The following CBLN2 variants were observed in gnomAD, a reference collection of about 807,000 sequenced individuals.
CBLN2 encodes the protein cerebellin-2.
CBLN2 carries 7 observed loss-of-function variants against 15.0 expected under a neutral mutation model. That is an observed-to-expected ratio of 0.47 (90% confidence interval 0.27 to 0.88). The LOEUF (loss-of-function observed/expected upper bound fraction) is 0.88, where lower values mean the gene tolerates loss of function less well. Ranked by LOEUF, CBLN2 falls within the 40% of genes least tolerant of loss-of-function variation. The pLI is 0.14. For synonymous variants in CBLN2, 149 were observed against 135.2 expected (o/e 1.10, Z -0.71); for missense variants, 242 against 304.5 (o/e 0.79, Z 1.53).
chr18:72,608,897 C>G (rs2069602253), intron 1 of CBLN2, among the ~76,000 whole-genome samples: 1 of 152,144 alleles, frequency 6.6e-6, no homozygotes, highest in African/African-American at 2.4e-5. Context: ...TGATGGCAGG[C>G]AAGGGAGCTT....
At chr18:72,569,656 T>C (rs2069317891) in intron 1 of CBLN2, among the ~76,000 whole-genome samples, 2 of 151,950 alleles carry the variant, frequency 1.3e-5, no homozygotes, top group Admixed American at 1.3e-4. Context: ...GCCCCACACA[T>C]GGCGAAGGGG....
upstream of CBLN2, among the ~76,000 whole-genome samples, chr18:72,545,597 TC>T (rs2069152175): frequency 6.6e-6 from 1 of 152,228 alleles, no homozygotes. Flanking sequence ...GTTATTTTAT[TC>T]CACTATTTCA....
chr18:72,570,897 G>A (rs1291392598), intron 1 of CBLN2, among the ~76,000 whole-genome samples: 1 of 152,054 alleles, frequency 6.6e-6, no homozygotes, highest in East Asian at 1.9e-4. Flanking sequence ...ATTGATTTGA[G>A]GGTCATGAAC....
intron 1 of CBLN2, among the ~76,000 whole-genome samples, chr18:72,623,632 C>G (rs532435720): frequency 9.2e-5 from 14 of 152,270 alleles, no homozygotes; most frequent in Non-Finnish European, 1.9e-4. Context: ...CAGACAACCA[C>G]TGGCCTGAGT....
chr18:72,553,078 C>T (rs1329278797), intron 1 of CBLN2, among the ~76,000 whole-genome samples: 1 of 152,188 alleles, frequency 6.6e-6, no homozygotes, highest in Admixed American at 6.5e-5. Flanking sequence ...GTGCAAAATG[C>T]TGCTGAGAGG....
chr18:72,594,889 C>T (rs963617774), intron 1 of CBLN2, among the ~76,000 whole-genome samples: 1 of 151,912 alleles, frequency 6.6e-6, no homozygotes, highest in African/African-American at 2.4e-5. Context: ...TTTATCCATA[C>T]TGATTTTATT....
At chr18:72,601,755 G>A (rs1454250691) in intron 1 of CBLN2, among the ~76,000 whole-genome samples, 1 of 152,114 alleles carries the variant, frequency 6.6e-6, no homozygotes, top group Non-Finnish European at 1.5e-5. Context: ...TCCTGCCTGG[G>A]CCTATAACTG....
chr18:72,554,174 C>T (rs2069209060), intron 1 of CBLN2, among the ~76,000 whole-genome samples: 1 of 151,898 alleles, frequency 6.6e-6, no homozygotes, highest in African/African-American at 2.4e-5. Flanking sequence ...TTGCTGTTTT[C>T]ATTACCCTTT....
intron 1 of CBLN2, among the ~76,000 whole-genome samples, chr18:72,626,005 C>A (rs1427785083): frequency 2.0e-5 from 3 of 151,686 alleles, no homozygotes; most frequent in African/African-American, 7.3e-5. Context: ...TTTATCACAG[C>A]TTCCCAGCTG....
intron 1 of CBLN2, among the ~76,000 whole-genome samples, chr18:72,630,390 T>C (rs2069767036): frequency 6.6e-6 from 1 of 152,092 alleles, no homozygotes; most frequent in African/African-American, 2.4e-5. Flanking sequence ...GCGGACTTCC[T>C]AAAGTTAGGG....
chr18:72,540,541 C>T lies in CBLN2; in HGVS notation c.357+1263G>A, dbSNP rs112770415. ...TAATAATAATATAACAATAACTGCACGTAAAGGAAACCTTACTAATAGAGT... is the reference window on the plus strand; with the variant it reads ...TAATAATAATATAACAATAACTGCATGTAAAGGAAACCTTACTAATAGAGT... On this transcript the variant is annotated intron_variant, in intron 3 of 4. Coordinates refer to ENST00000269503, the MANE Select transcript of CBLN2 (RefSeq NM_182511.4). Among the ~76,000 whole-genome samples the T allele has an allele frequency of 9.9e-3, 1,510 of 152,212 alleles. 21 individuals carry two copies. Among genetic ancestry groups the T allele is most frequent in the African/African-American group, 0.034 (1,413 of 41,518 alleles).
At chr18:72,560,277 G>A (rs367948269) in intron 1 of CBLN2, among the ~76,000 whole-genome samples, 44 of 152,306 alleles carry the variant, frequency 2.9e-4, no homozygotes, top group African/African-American at 8.2e-4. Context: ...ATCTGTGCAC[G>A]TAGGAAAATA....
intron 1 of CBLN2, among the ~76,000 whole-genome samples, chr18:72,605,697 C>A (rs1181913798): frequency 1.3e-5 from 2 of 152,146 alleles, no homozygotes; most frequent in Non-Finnish European, 2.9e-5. Flanking sequence ...GTGGGTAGAA[C>A]AAAAACTGAT....
intron 1 of CBLN2, among the ~76,000 whole-genome samples, chr18:72,566,821 G>GTTATTA (rs567953652): frequency 2.6e-5 from 4 of 151,634 alleles, no homozygotes; most frequent in Admixed American, 6.6e-5. Flanking sequence ...AAATGTTGTT[G>GTTATTA]TTATTATTAT....
At chr18:72,613,853 C>T (rs2069639740) in intron 1 of CBLN2, among the ~76,000 whole-genome samples, 1 of 152,164 alleles carries the variant, frequency 6.6e-6, no homozygotes, top group African/African-American at 2.4e-5. Context: ...TATTCCTGTA[C>T]ACCGTTGCCT....
intron 1 of CBLN2, among the ~76,000 whole-genome samples, chr18:72,638,028 G>A (rs1449382515): frequency 1.3e-5 from 2 of 152,174 alleles, no homozygotes; most frequent in East Asian, 1.9e-4. Context: ...GCTTGGAGGG[G>A]TTGTGGAAAT....
At chr18:72,625,816 CTCTATATATATA>C (rs2069734902) in intron 1 of CBLN2, among the ~76,000 whole-genome samples, 1 of 61,626 alleles carries the variant, frequency 1.6e-5, no homozygotes, top group Non-Finnish European at 3.0e-5. Context: ...CTCTCTCTCT[CTCTATATATATA>C]TATATATATA....
intron 1 of CBLN2, among the ~76,000 whole-genome samples, chr18:72,550,542 G>T (rs2069185552): frequency 6.6e-6 from 1 of 152,150 alleles, no homozygotes; most frequent in Admixed American, 6.5e-5. Flanking sequence ...GGAAAGAAAA[G>T]CACTTTCATT....
intron 1 of CBLN2, among the ~76,000 whole-genome samples, chr18:72,587,754 C>T (rs2069453382): frequency 1.3e-5 from 2 of 152,090 alleles, no homozygotes. Flanking sequence ...TGACCATGTG[C>T]AATATAGCTA....
Sources: gnomAD v4.1 joint callset for allele counts (sites outside exome capture counted in the v4.1 genomes callset) on GRCh38, gnomAD v4.1.1 for gene constraint, MANE v1.5 for transcripts, NCBI Gene and HGNC (gene_info 2026-07-23, HGNC 2026-07-21) for gene names.